Variants in CCDC6 observed in about 807,000 individuals in gnomAD.
The protein encoded by CCDC6 is coiled-coil domain containing 6.
CCDC6 carries 20 observed loss-of-function variants against 56.6 expected under a neutral mutation model. The ratio of observed to expected loss-of-function variants is 0.35; its 90% confidence interval spans 0.25 to 0.51. CCDC6 has a LOEUF of 0.51. Among genes scored for constraint, CCDC6 ranks in the 20% least tolerant of loss-of-function variants. The pLI is 0.95. For synonymous variants in CCDC6, 241 were observed against 234.4 expected (o/e 1.03, Z -0.26); for missense variants, 367 against 601.1 (o/e 0.61, Z 4.07).
chr10:59,870,729 T>C (rs574269577), intron 1 of CCDC6, among the ~76,000 whole-genome samples: 3 of 152,336 alleles, frequency 2.0e-5, no homozygotes, highest in East Asian at 1.9e-4. Flanking sequence ...CAGTTATCCA[T>C]GCTGCTTCCC....
chr10:59,813,659 G>A (rs2070690406), intron 4 of CCDC6, among the ~76,000 whole-genome samples: 1 of 152,142 alleles, frequency 6.6e-6, no homozygotes, highest in South Asian at 2.1e-4. Flanking sequence ...CTACCCTTGA[G>A]AAAACTAGTG....
At chr10:59,847,817 CT>C (rs757902015) in intron 2 of CCDC6, among the ~76,000 whole-genome samples, 2,394 of 104,822 alleles carry the variant, frequency 0.023, 23 homozygotes, top group African/African-American at 0.043. Context: ...GCCTTTTAGA[CT>C]TTTTTTTTTT....
At chr10:59,819,318 T>C (rs1330092629) in intron 3 of CCDC6, among the ~76,000 whole-genome samples, 2 of 152,364 alleles carry the variant, frequency 1.3e-5, no homozygotes, top group East Asian at 3.9e-4. Flanking sequence ...ATATTATCTT[T>C]AACCCTGAAA....
intron 1 of CCDC6, among the ~76,000 whole-genome samples, chr10:59,870,537 G>A (rs1589056265): frequency 6.6e-6 from 1 of 152,066 alleles, no homozygotes; most frequent in Admixed American, 6.5e-5. Flanking sequence ...GTGACCCCCA[G>A]CATTAACTTT....
chr10:59,812,837 C>T, intron 4 of CCDC6, 42 bp from the exon 5 acceptor site: 8 of 1,478,422 alleles, frequency 5.4e-6, no homozygotes, highest in Non-Finnish European at 7.4e-6. Flanking sequence ...TAACAGTTTT[C>T]CTTGAAAAGA....
intron 2 of CCDC6, among the ~76,000 whole-genome samples, chr10:59,846,138 A>C (rs2070989367): frequency 6.6e-6 from 1 of 152,178 alleles, no homozygotes; most frequent in Non-Finnish European, 1.5e-5. Flanking sequence ...TCAGAAAAAG[A>C]GTCTTTCAGG....
intron 3 of CCDC6, 25 bp from the exon 4 acceptor site, chr10:59,814,780 C>A: frequency 6.9e-7 from 1 of 1,457,708 alleles, no homozygotes; most frequent in Non-Finnish European, 9.6e-7. Context: ...AAAGTGTTAC[C>A]AAAGTGTCAG....
chr10:59,805,434 G>A (rs2070612772), intron 6 of CCDC6: 1 of 152,074 alleles, frequency 6.6e-6, no homozygotes, highest in South Asian at 2.1e-4. Flanking sequence ...AAAAGGTAGG[G>A]CAAACTTTCT....
At chr10:59,833,843 C>G (rs1046489547) in intron 2 of CCDC6, among the ~76,000 whole-genome samples, 1 of 152,164 alleles carries the variant, frequency 6.6e-6, no homozygotes, top group Admixed American at 6.5e-5. Context: ...TGCATTTAGA[C>G]AGGCATGGTC....
chr10:59,827,524 C>T (rs1173980316), intron 3 of CCDC6, among the ~76,000 whole-genome samples: 1 of 152,108 alleles, frequency 6.6e-6, no homozygotes, highest in African/African-American at 2.4e-5. Context: ...ATTGCAACTG[C>T]TTCACAGAAG....
intron 4 of CCDC6, 121 bp from the exon 5 acceptor site, chr10:59,812,916 G>A (rs2070684497): frequency 1.5e-6 from 1 of 664,570 alleles, no homozygotes; most frequent in Non-Finnish European, 2.6e-6. Context: ...AATTCACAGG[G>A]TTGCTTAATT....
At chr10:59,811,989 TGAGA>T (rs2070675962) in intron 5 of CCDC6, among the ~76,000 whole-genome samples, 1 of 147,962 alleles carries the variant, frequency 6.8e-6, no homozygotes, top group Non-Finnish European at 1.5e-5. Flanking sequence ...AGAATAGGAA[TGAGA>T]GAAAGACCCA....
chr10:59,875,952 A>G (rs2071274966), intron 1 of CCDC6, among the ~76,000 whole-genome samples: 1 of 152,156 alleles, frequency 6.6e-6, no homozygotes, highest in African/African-American at 2.4e-5. Context: ...TACTCCTATC[A>G]AAATACTAAA....
chr10:59,893,629 TAC>T (rs2071440715), intron 1 of CCDC6, among the ~76,000 whole-genome samples: 1 of 107,616 alleles, frequency 9.3e-6, no homozygotes, highest in Non-Finnish European at 2.1e-5. Flanking sequence ...CATACATACA[TAC>T]ATACATACAT....
chr10:59,900,022 T>C (rs1223411098), intron 1 of CCDC6, among the ~76,000 whole-genome samples: 1 of 152,206 alleles, frequency 6.6e-6, no homozygotes, highest in Non-Finnish European at 1.5e-5. Context: ...TGTTGGCACC[T>C]TCATCACAGA....
rs1443876937 is a variant in CCDC6, at chr10:59,812,912, C to T, written c.687-117G>A. On this transcript the variant is annotated intron_variant, in intron 4 of 8. Coordinates refer to ENST00000263102, the MANE Select transcript of CCDC6 (RefSeq NM_005436.5). ...AACTCCTGTTTACTGCCAGAATTCA[C>T]AGGGTTGCTTAATTCCTCTGCCCAT... 7.3e-6 allele frequency: 5 copies of T among 689,594 alleles called. No individual in the cohort carries two copies. In the African/African-American group the frequency reaches 9.0e-5, roughly 12 times the overall value. 42.7% of individuals were successfully genotyped at this position (689,594 alleles called of 1,614,324 possible).
intron 2 of CCDC6, among the ~76,000 whole-genome samples, chr10:59,841,462 T>C (rs899881192): frequency 6.6e-6 from 1 of 152,192 alleles, no homozygotes; most frequent in South Asian, 2.1e-4. Flanking sequence ...AGAAATACAA[T>C]TTTTCATATG....
rs546967795 is a variant in CCDC6 at position 59,906,540 on chromosome 10, G to A, written c.-116C>T. 1,434 of 886,900 alleles carry A rather than the reference G, an allele frequency of 1.6e-3. 19 individuals are homozygous for A. In the African/African-American group the frequency reaches 0.024, roughly 15 times the overall value. The allele number at this position is 886,900 out of a possible 1,614,324, so 54.9% of individuals were successfully genotyped here. ...CAGGGGAGCGCCGAGCTGAGCGCCT[G>A]GCACCAGGGCGCAGACTCGGAGCGG... On this transcript the variant is annotated 5_prime_UTR_variant, in exon 1 of 9. Coordinates refer to ENST00000263102, the MANE Select transcript of CCDC6 (RefSeq NM_005436.5).
intron 5 of CCDC6, among the ~76,000 whole-genome samples, chr10:59,811,105 T>G (rs187567634): frequency 1.5e-4 from 23 of 152,274 alleles, no homozygotes; most frequent in Non-Finnish European, 2.6e-4. Context: ...GACACCCTGA[T>G]TTTAGCCTAG....
Sources: allele counts gnomAD v4.1 joint callset (sites outside exome capture counted in the v4.1 genomes callset), GRCh38; gene constraint gnomAD v4.1.1; transcripts MANE v1.5; gene names NCBI Gene and HGNC (gene_info 2026-07-23, HGNC 2026-07-21).